The following MAP7D3 variants were observed in gnomAD, a reference collection of about 807,000 sequenced individuals.
MAP7D3 encodes the protein MAP7 domain-containing protein 3.
MAP7D3 carries 45 observed loss-of-function variants against 62.2 expected under a neutral mutation model. The observed-to-expected ratio is 0.72, with a 90% CI of 0.57 to 0.93. The LOEUF (loss-of-function observed/expected upper bound fraction) is 0.93, where lower values mean the gene tolerates loss of function less well. MAP7D3 is among the 40% of genes least tolerant of loss of function. MAP7D3 has a pLI of 0.00. For synonymous variants in MAP7D3, 288 were observed against 248.8 expected (o/e 1.16, Z -1.48); for missense variants, 711 against 683.1 (o/e 1.04, Z -0.45).
chrX:136,247,500 A>G (rs1384905357), intron 1 of MAP7D3, among the ~76,000 whole-genome samples: 1 of 111,003 alleles, frequency 9.0e-6, no homozygotes, highest in Non-Finnish European at 1.9e-5. Flanking sequence ...TATAAAATGA[A>G]TGAACTCTGA....
In MAP7D3 at chrX:136,236,260, G is replaced by A. The variant is rs778064203; in HGVS notation, c.720C>T (p.Ala240=). The A allele has an allele frequency of 1.7e-6, 2 of 1,178,878 alleles. No individual in the cohort carries two copies. Among genetic ancestry groups the A allele is most frequent in the Non-Finnish European group, 2.3e-6 (2 of 872,034 alleles). ...NLHSSTDKEQ[A]ERKPRVTGVT... ...GTAACTAACCACGTGGCTTCCTTTC[G>A]GCTTGTTCTTTATCAGTAGACGAAT... The change falls in exon 7 of 19, where the codon GCC becomes GCT. Residue 240 remains alanine (A), a synonymous_variant. Transcript: ENST00000316077.
rs767192894 is a variant in MAP7D3 at position 136,232,167 on chromosome X, A to G, written c.790T>C (p.Cys264Arg). 21 of 1,207,495 alleles carry G rather than the reference A, an allele frequency of 1.7e-5. No individual in the cohort carries two copies. The African/African-American group carries it at 2.6e-4, about 15-fold the overall frequency. Reference sequence around the variant, plus strand: ...ACAGCCCTCAATTCGTCGCTAGTACATTTACGCAAGGGTACAGTGACATAC... The same window carrying G: ...ACAGCCCTCAATTCGTCGCTAGTACGTTTACGCAAGGGTACAGTGACATAC... ...MQYVTVPLRKCTSDELRAVMF... is the reference protein window; with the variant it reads ...MQYVTVPLRKRTSDELRAVMF... Residue 264 changes from cysteine (C) to arginine (R), a missense_variant, in exon 8 of 19, where the codon TGT becomes CGT. Cys to Arg is a radical substitution (Grantham distance 180, BLOSUM62 -3). Transcript: ENST00000316077.
At position 136,240,482 on chromosome X, in the gene MAP7D3, A is replaced by G. The variant is rs2074377177; in HGVS notation, c.540T>C (p.Asn180=). Residue 180 remains asparagine, a synonymous_variant, in exon 6 of 19, where the codon AAT becomes AAC. Coordinates refer to ENST00000316077, the MANE Select transcript of MAP7D3 (RefSeq NM_024597.4). ...AMANSESKTA[N]KRSASTEKLE... is the part of the protein sequence containing the mutation. ...GTTTTTCAGTAGATGCAGATCGTTT[A>G]TTGGCTGAGAAAAGACATAATACTT... is the stretch of plus-strand genomic sequence containing the variant. 1.8e-6 allele frequency: 2 copies of G among 1,133,538 alleles called. No homozygotes were observed. The highest frequency in any genetic ancestry group is 1.8e-5 in the African/African-American group (1 of 55,777). The allele number at this position is 1,133,538 out of a possible 1,213,427, so 93.4% of individuals were successfully genotyped here. A position where few individuals can be genotyped will look rare whatever the true frequency, so the allele number is the denominator to read the frequency against.
intron 13 of MAP7D3, among the ~76,000 whole-genome samples, chrX:136,225,615 C>T (rs1041309567): frequency 3.6e-5 from 4 of 112,097 alleles, no homozygotes; most frequent in African/African-American, 1.3e-4. Context: ...CCAACCCCTA[C>T]CATGACTGGA....
At chrX:136,238,722 C>T (rs5929745) in intron 6 of MAP7D3, among the ~76,000 whole-genome samples, 52,339 of 110,213 alleles carry the variant, frequency 0.47, 9,400 homozygotes, top group East Asian at 0.71. Flanking sequence ...AAGCTCATCA[C>T]TGAAATTTTA....
chrX:136,239,572 G>C (rs1409965300), intron 6 of MAP7D3, among the ~76,000 whole-genome samples: 1 of 111,833 alleles, frequency 8.9e-6, no homozygotes, highest in Non-Finnish European at 1.9e-5. Flanking sequence ...TATAAAACAA[G>C]GAAGGCAATT....
At chrX:136,256,324 C>T (rs1178402726), upstream of MAP7D3, 4 of 1,153,620 alleles carry the variant, frequency 3.5e-6, no homozygotes, top group African/African-American at 7.2e-5. Flanking sequence ...GGTCATGTCT[C>T]ACTTGGTTGA....
intron 16 of MAP7D3, among the ~76,000 whole-genome samples, chrX:136,220,294 TA>T (rs748072086): frequency 0.023 from 2,465 of 106,903 alleles, 77 homozygotes; most frequent in African/African-American, 0.079. Context: ...CCTCAACTCT[TA>T]AAAAAAAAAT....
At chrX:136,248,406 G>A (rs866723068) in intron 1 of MAP7D3, among the ~76,000 whole-genome samples, 44 of 111,647 alleles carry the variant, frequency 3.9e-4, no homozygotes, top group Admixed American at 8.5e-4. Flanking sequence ...CAGAAAATGG[G>A]ATAACACCTT....
intron 15 of MAP7D3, chrX:136,221,981 C>G (rs2074135503): frequency 8.5e-6 from 1 of 118,012 alleles, no homozygotes; most frequent in Non-Finnish European, 1.7e-5. Flanking sequence ...TTTGAGAAAG[C>G]ATTCTTATTA....
Position 136,219,443 on chromosome X carries a change from G to A in MAP7D3, c.2618C>T (p.Thr873Ile), listed in dbSNP as rs1423891851. ...TTGCTTCTTCTCTTATTGTCTAAAG[G>A]TGTCTGAGGACTTTGGCAAGATGTC... The part of the protein sequence containing the change: ...FHDILPKSSD[T>I]FRQ Residue 873 changes from threonine to isoleucine, a missense_variant, in exon 18 of 19, where the codon ACC becomes ATC. Transcript: ENST00000316077. 8.3e-7 allele frequency: 1 copy of A among 1,202,184 alleles called. No individual in the cohort carries two copies. Among genetic ancestry groups the A allele is most frequent in the Non-Finnish European group, 1.1e-6 (1 of 888,315 alleles).
At chrX:136,244,853 C>T in intron 3 of MAP7D3, 58 bp from the exon 4 acceptor site, 2 of 876,005 alleles carry the variant, frequency 2.3e-6, no homozygotes, top group Admixed American at 2.8e-5. Flanking sequence ...TTTAGGTTTT[C>T]CACATTACAC....
chrX:136,237,243 T>C (rs1371051923), intron 6 of MAP7D3, among the ~76,000 whole-genome samples: 1 of 112,328 alleles, frequency 8.9e-6, no homozygotes, highest in Admixed American at 9.4e-5. Flanking sequence ...AATAATGTGA[T>C]TGAGCAGCAT....
At chrX:136,224,227 C>T (rs1032323890) in intron 14 of MAP7D3, among the ~76,000 whole-genome samples, 1 of 107,851 alleles carries the variant, frequency 9.3e-6, no homozygotes, top group African/African-American at 3.4e-5. Flanking sequence ...ATGTTGAAAC[C>T]CTGTCTCTAA....
At chrX:136,231,192 A>C (rs2074263427) in intron 8 of MAP7D3, 4 of 336,384 alleles carry the variant, frequency 1.2e-5, no homozygotes, top group Non-Finnish European at 2.0e-5. Context: ...ACAGGTTTAA[A>C]AGAAATATTA....
rs370692504 is a variant in MAP7D3 at position 136,226,052 on chromosome X, T to C, written c.2035-39A>G. On this transcript the variant is annotated intron_variant, in intron 12 of 18. Coordinates refer to ENST00000316077, the MANE Select transcript of MAP7D3 (RefSeq NM_024597.4). ...ATAAAAATATCATTCAATCTCAAGA[T>C]ACCTGAGTGACATCAGAGAACTCTA... 2.8e-5 allele frequency: 26 copies of C among 936,540 alleles called. No individual in the cohort carries two copies. The African/African-American group carries it at 3.7e-4, about 13-fold the overall frequency. 77.2% of individuals were successfully genotyped at this position (936,540 alleles called of 1,213,427 possible).
downstream of MAP7D3, among the ~76,000 whole-genome samples, chrX:136,216,377 A>AG (rs1376313339): frequency 3.8e-5 from 4 of 104,191 alleles, no homozygotes; most frequent in East Asian, 2.9e-4. Flanking sequence ...AAAAAAAAAA[A>AG]AAAAGAAAAA....
chrX:136,248,564 T>G (rs1463769952), intron 1 of MAP7D3, among the ~76,000 whole-genome samples: 2 of 112,485 alleles, frequency 1.8e-5, no homozygotes, highest in African/African-American at 6.4e-5. Context: ...ATACTAATTC[T>G]AAATCCAAAA....
At chrX:136,239,998 C>T (rs1001600728) in intron 6 of MAP7D3, among the ~76,000 whole-genome samples, 1 of 111,257 alleles carries the variant, frequency 9.0e-6, no homozygotes, top group African/African-American at 3.3e-5. Context: ...CACTTGAGGT[C>T]AGGAGTTCAA....
Sources: gnomAD v4.1 joint callset for allele counts (sites outside exome capture counted in the v4.1 genomes callset) on GRCh38, gnomAD v4.1.1 for gene constraint, MANE v1.5 for transcripts, NCBI Gene and HGNC (gene_info 2026-07-23, HGNC 2026-07-21) for gene names.